Variants in TNC observed in about 807,000 individuals in gnomAD.
TNC encodes the protein tenascin.
Under a neutral mutation model 202.4 loss-of-function variants are expected in TNC, and 109 were observed. That is an observed-to-expected ratio of 0.54 (90% CI 0.46 to 0.63). The LOEUF (loss-of-function observed/expected upper bound fraction) is 0.63, where lower values mean the gene tolerates loss of function less well. TNC is among the 30% of genes least tolerant of loss of function. TNC has a pLI of 0.00. For missense variants in TNC, 2,756 were observed against 2,833.3 expected, an observed-to-expected ratio of 0.97 and a Z score of 0.62; for synonymous variants, 1,007 against 1,089.7, an observed-to-expected ratio of 0.92 and a Z score of 1.50.
chr9:115,075,222 A>G (rs1257186672), intron 9 of TNC, among the ~76,000 whole-genome samples: 1 of 152,096 alleles, frequency 6.6e-6, no homozygotes, highest in East Asian at 1.9e-4. Flanking sequence ...AATCTTGAGG[A>G]AAGAATCAAT....
chr9:115,033,825 T>C (rs1170531337), intron 22 of TNC, among the ~76,000 whole-genome samples: 1 of 152,058 alleles, frequency 6.6e-6, no homozygotes, highest in African/African-American at 2.4e-5. Context: ...ACTTGGTAGA[T>C]AGAAAGTGAG....
intron 18 of TNC, 88 bp from the exon 19 acceptor site, chr9:115,041,172 G>T: frequency 7.1e-7 from 1 of 1,411,462 alleles, no homozygotes; most frequent in Non-Finnish European, 9.6e-7. Context: ...ATCTGATTTA[G>T]AAATGAAACT....
In TNC at chr9:115,064,034, G is replaced by T. The variant is rs139061925; in HGVS notation, c.3522C>A (p.Ala1174=). Residue 1174 remains alanine, a synonymous_variant, in exon 12 of 28, where the codon GCC becomes GCA. Coordinates refer to ENST00000350763, the MANE Select transcript of TNC (RefSeq NM_002160.4). ...ETPNLGEVVV[A]EVGWDALKLN... The stretch of plus-strand genomic sequence containing the variant: ...GTTTGAGGGCATCCCAGCCCACCTC[G>T]GCCACCACGACCTCTCCCAAATTGG... 6.2e-7 allele frequency: 1 copy of T among 1,611,228 alleles called. No individual in the cohort carries two copies. Among genetic ancestry groups the T allele is most frequent in the Non-Finnish European group, 8.5e-7 (1 of 1,178,446 alleles).
chr9:115,094,442 T>C (rs2133800443), intron 1 of TNC, among the ~76,000 whole-genome samples: 1 of 152,324 alleles, frequency 6.6e-6, no homozygotes, highest in South Asian at 2.1e-4. Context: ...ATGTAAAATA[T>C]TCTCATGCAG....
intron 13 of TNC, among the ~76,000 whole-genome samples, chr9:115,061,072 AG>A (rs1484727416): frequency 6.6e-6 from 1 of 152,162 alleles, no homozygotes; most frequent in African/African-American, 2.4e-5. Context: ...GATGCTTCTG[AG>A]GGTTAAATGC....
chr9:115,031,053 G>T (rs1479493276), intron 23 of TNC, among the ~76,000 whole-genome samples: 1 of 152,178 alleles, frequency 6.6e-6, no homozygotes, highest in East Asian at 1.9e-4. Context: ...TACCAGCTTG[G>T]TGGGAAGATC....
At chr9:115,107,557 G>T (rs1465262575) in intron 1 of TNC, among the ~76,000 whole-genome samples, 3 of 152,060 alleles carry the variant, frequency 2.0e-5, no homozygotes, top group Admixed American at 1.3e-4. Context: ...CTTGTCATTT[G>T]TCATGACAAC....
At chr9:115,090,431 T>G (rs1201619843) in intron 2 of TNC, 131 bp downstream of exon 2, 1 of 699,186 alleles carries the variant, frequency 1.4e-6, no homozygotes, top group Non-Finnish European at 2.4e-6. Flanking sequence ...ACATAAAATC[T>G]CTTTGTAATG....
chr9:115,021,302 A>C, intron 27 of TNC, 35 bp from the exon 28 acceptor site: 1 of 1,540,748 alleles, frequency 6.5e-7, no homozygotes, highest in Middle Eastern at 2.0e-4. Context: ...AGAGAGAGAG[A>C]GAGAAGGCCT....
At chr9:115,066,987 C>CTCTTTAG (rs1833003669) in intron 10 of TNC, among the ~76,000 whole-genome samples, 1 of 152,158 alleles carries the variant, frequency 6.6e-6, no homozygotes, top group Admixed American at 6.5e-5. Context: ...TCTTTAACCC[C>CTCTTTAG]GACTCATATC....
intron 1 of TNC, among the ~76,000 whole-genome samples, chr9:115,110,080 T>C (rs945958662): frequency 1.3e-5 from 2 of 152,038 alleles, no homozygotes; most frequent in African/African-American, 4.8e-5. Flanking sequence ...ATAGGTAGAA[T>C]GAGATGACAG....
Position 115,040,999 on chromosome 9 carries a change from G to T in TNC, c.5334C>A (p.Ser1778Arg). The change falls in exon 19 of 28, where the codon AGC becomes AGA. Residue 1778 changes from serine (S) to arginine (R), a missense_variant. Physicochemically the swap from Ser to Arg is moderately radical, Grantham distance 110. Coordinates refer to ENST00000350763, the MANE Select transcript of TNC (RefSeq NM_002160.4). ...KLIPGVEYLV[S>R]IIAMKGFEES... ...CCTCAAAGCCCTTCATGGCGATGAT[G>T]CTGACAAGGTACTCCACGCCAGGTA... 1 of 1,614,074 alleles carries T rather than the reference G, an allele frequency of 6.2e-7. No homozygotes were observed. Among genetic ancestry groups the T allele is most frequent in the Non-Finnish European group, 8.5e-7 (1 of 1,180,014 alleles).
chr9:115,072,369 A>G (rs1012949267), intron 10 of TNC, among the ~76,000 whole-genome samples: 1 of 152,218 alleles, frequency 6.6e-6, no homozygotes, highest in Non-Finnish European at 1.5e-5. Context: ...TGACAATTTG[A>G]AACTACTAAG....
rs1471446088 is a variant in TNC, at chr9:115,082,727, C to T, written c.2212G>A (p.Ala738Thr). The T allele has an allele frequency of 1.2e-6, 2 of 1,613,962 alleles. No homozygotes were observed. The highest frequency in any genetic ancestry group is 1.3e-5 in the African/African-American group (1 of 74,926). The part of the protein sequence containing the change: ...VEVEWDPLDI[A>T]FETWEIIFRN... ...AAGATGATCTCCCAGGTTTCAAAAG[C>T]AATGTCTAGAGGATCCCACTCCACT... is the stretch of plus-strand genomic sequence containing the variant. The change falls in exon 5 of 28, where the codon GCT becomes ACT. Residue 738 changes from alanine (A) to threonine (T), a missense_variant. Coordinates refer to ENST00000350763, the MANE Select transcript of TNC (RefSeq NM_002160.4).
rs1179336278 is a variant in TNC, at chr9:115,082,744, C to T, written c.2195G>A (p.Trp732Ter). ...SIKETSVEVE[W>*]DPLDIAFETW... ...TTCAAAAGCAATGTCTAGAGGATCC[C>T]ACTCCACTTCCACAGATGTCTCCTT... is the stretch of plus-strand genomic sequence containing the variant. The change falls in exon 5 of 28, where the codon TGG becomes TAG. Residue 732 changes from tryptophan (W) to a stop codon, truncating the protein, a stop_gained. Coordinates refer to ENST00000350763, the MANE Select transcript of TNC (RefSeq NM_002160.4). LOFTEE classifies it high-confidence loss of function. The T allele has an allele frequency of 1.2e-6, 2 of 1,614,058 alleles. No individual in the cohort carries two copies. The highest frequency in any genetic ancestry group is 1.7e-6 in the Non-Finnish European group (2 of 1,180,028).
intron 19 of TNC, among the ~76,000 whole-genome samples, chr9:115,039,502 G>A (rs1830576469): frequency 6.6e-6 from 1 of 152,188 alleles, no homozygotes; most frequent in Non-Finnish European, 1.5e-5. Flanking sequence ...TCTTTTAACT[G>A]ACCTCTCCTA....
At chr9:115,044,303 G>A (rs2132050262) in intron 17 of TNC, among the ~76,000 whole-genome samples, 1 of 151,376 alleles carries the variant, frequency 6.6e-6, no homozygotes, top group South Asian at 2.1e-4. Context: ...AACTTGATGA[G>A]GTGAAGATAG....
chr9:115,026,391 T>A, intron 26 of TNC, 143 bp downstream of exon 26: 2 of 843,904 alleles, frequency 2.4e-6, no homozygotes, highest in Non-Finnish European at 3.6e-6. Context: ...TTTTCTGGAT[T>A]GGCACTCAGT....
In TNC at chr9:115,057,452, G is replaced by A. The variant is rs752156899; in HGVS notation, c.4307-27C>T. 7 of 1,551,208 alleles carry A rather than the reference G, an allele frequency of 4.5e-6. No individual in the cohort carries two copies. The Admixed American group carries it at 6.1e-5, about 14-fold the overall frequency. On this transcript the variant is annotated intron_variant, in intron 14 of 27. Coordinates refer to ENST00000350763, the MANE Select transcript of TNC (RefSeq NM_002160.4). Reference sequence around the variant, plus strand: ...TGTAAAAGGAAGGGGTAGGGGAGAAGAAAAAAATAAATTTGAGTTAATTAT... The same window carrying A: ...TGTAAAAGGAAGGGGTAGGGGAGAAAAAAAAAATAAATTTGAGTTAATTAT...
Sources: gnomAD v4.1 joint callset for allele counts (sites outside exome capture counted in the v4.1 genomes callset) on GRCh38, gnomAD v4.1.1 for gene constraint, MANE v1.5 for transcripts, NCBI Gene and HGNC (gene_info 2026-07-23, HGNC 2026-07-21) for gene names.